The following MERTK variants were observed in gnomAD, a reference collection of about 807,000 sequenced individuals.
MERTK encodes the protein tyrosine-protein kinase Mer.
A neutral mutation model predicts 99.3 loss-of-function variants in MERTK; 69 were observed. The ratio of observed to expected loss-of-function variants is 0.70; its 90% CI spans 0.57 to 0.85. MERTK has a LOEUF of 0.85. MERTK is among the 40% of genes least tolerant of loss of function. The pLI is 0.00. For missense variants in MERTK, 1,125 were observed against 1,249.4 expected (o/e 0.90, Z 1.50); for synonymous variants, 426 against 467.6 (o/e 0.91, Z 1.15).
At chr2:111,955,035 C>A (rs1037878835) in intron 4 of MERTK, among the ~76,000 whole-genome samples, 1 of 151,886 alleles carries the variant, frequency 6.6e-6, no homozygotes, top group Admixed American at 6.6e-5. Flanking sequence ...AGAGTAGCTG[C>A]CCCTGACATG....
At chr2:111,995,858 G>T (rs542434236) in intron 9 of MERTK, among the ~76,000 whole-genome samples, 1 of 152,224 alleles carries the variant, frequency 6.6e-6, no homozygotes, top group Non-Finnish European at 1.5e-5. Flanking sequence ...TACTTGGGAG[G>T]ATAGCTTGAG....
intron 6 of MERTK, among the ~76,000 whole-genome samples, chr2:111,971,292 AT>A (rs1259587710): frequency 6.6e-6 from 1 of 150,812 alleles, no homozygotes; most frequent in Non-Finnish European, 1.5e-5. Context: ...ATTTTTTTCT[AT>A]TGTTTTTGTA....
intron 2 of MERTK, among the ~76,000 whole-genome samples, chr2:111,937,903 T>G (rs1684791777): frequency 6.6e-6 from 1 of 152,088 alleles, no homozygotes; most frequent in Non-Finnish European, 1.5e-5. Context: ...TCATTTTTAA[T>G]TTTTTTGACA....
At position 111,929,646 on chromosome 2, in the gene MERTK, G is replaced by A. The variant is rs1246826471; in HGVS notation, c.482+106G>A. 34 of 907,948 alleles carry A rather than the reference G, an allele frequency of 3.7e-5. 1 individual carries two copies. The highest frequency in any genetic ancestry group is 5.0e-5 in the Non-Finnish European group (33 of 656,144). 56.2% of individuals were successfully genotyped at this position (907,948 alleles called of 1,614,324 possible). On this transcript the variant is annotated intron_variant, in intron 2 of 18. Coordinates refer to ENST00000295408, the MANE Select transcript of MERTK (RefSeq NM_006343.3). Reference sequence around the variant, plus strand: ...CTGTAGCCCAGGCTGGAGTGCAGTGGCACGATCTCAGCTCATTGCAACCTC... The same window carrying A: ...CTGTAGCCCAGGCTGGAGTGCAGTGACACGATCTCAGCTCATTGCAACCTC...
At chr2:112,028,327 A>G (rs759992738) in intron 18 of MERTK, 24 bp from the exon 19 acceptor site, 1 of 1,612,642 alleles carries the variant, frequency 6.2e-7, no homozygotes, top group Non-Finnish European at 8.5e-7. Flanking sequence ...GCTGGGAGAC[A>G]ATCCACTTCT....
chr2:111,928,328 C>T (rs1192261343), intron 1 of MERTK, among the ~76,000 whole-genome samples: 8 of 146,294 alleles, frequency 5.5e-5, no homozygotes, highest in African/African-American at 2.0e-4. Flanking sequence ...TGGGCTCAAG[C>T]GATCCTCCTT....
At chr2:111,946,036 T>C (rs1478882359) in intron 3 of MERTK, among the ~76,000 whole-genome samples, 1 of 152,136 alleles carries the variant, frequency 6.6e-6, no homozygotes, top group East Asian at 1.9e-4. Flanking sequence ...GAACCTGAAA[T>C]TGATGCCCAC....
chr2:111,988,277 T>C (rs1300173395), intron 8 of MERTK, among the ~76,000 whole-genome samples: 1 of 152,142 alleles, frequency 6.6e-6, no homozygotes, highest in Non-Finnish European at 1.5e-5. Context: ...GGTGTTGTCT[T>C]AAAGTATGAG....
chr2:111,916,061 G>A (rs1684344030), intron 1 of MERTK, among the ~76,000 whole-genome samples: 1 of 152,094 alleles, frequency 6.6e-6, no homozygotes. Context: ...ATCTTCGAAA[G>A]AATGTGTATT....
chr2:111,913,530 T>C (rs1281437575), intron 1 of MERTK, among the ~76,000 whole-genome samples: 1 of 152,206 alleles, frequency 6.6e-6, no homozygotes, highest in Non-Finnish European at 1.5e-5. Context: ...ATAGATTCCT[T>C]GGAATTTTCT....
chr2:111,964,039 C>CTTTTTTTTTTTTTTTT (rs1553451938), intron 4 of MERTK, among the ~76,000 whole-genome samples: 3 of 40,476 alleles, frequency 7.4e-5, no homozygotes, highest in African/African-American at 1.8e-4. Context: ...CAAAAATTTT[C>CTTTTTTTTTTTTTTTT]TTTCTTTTTT....
chr2:112,019,971 G>A (rs1677302182), intron 16 of MERTK, among the ~76,000 whole-genome samples: 1 of 152,180 alleles, frequency 6.6e-6, no homozygotes, highest in Admixed American at 6.5e-5. Context: ...GCAGACAATG[G>A]CTTCATTATA....
At chr2:111,913,370 C>A (rs1043883227) in intron 1 of MERTK, among the ~76,000 whole-genome samples, 5 of 152,198 alleles carry the variant, frequency 3.3e-5, no homozygotes, top group African/African-American at 1.2e-4. Flanking sequence ...TAGATTTATA[C>A]CTAAGTATTT....
At chr2:112,014,542 CA>C (rs34015537) in intron 15 of MERTK, among the ~76,000 whole-genome samples, 83,607 of 151,866 alleles carry the variant, frequency 0.55, 23,678 homozygotes, top group Middle Eastern at 0.68. Context: ...CATTTTGTAG[CA>C]AAAAAGATTA....
intron 13 of MERTK, among the ~76,000 whole-genome samples, chr2:112,006,376 C>G (rs1676980641): frequency 6.6e-6 from 1 of 152,130 alleles, no homozygotes; most frequent in South Asian, 2.1e-4. Flanking sequence ...AAAGGAGGTT[C>G]AGGAACTAGC....
intron 7 of MERTK, among the ~76,000 whole-genome samples, chr2:111,980,018 G>A (rs995490633): frequency 6.6e-6 from 1 of 152,164 alleles, no homozygotes; most frequent in Non-Finnish European, 1.5e-5. Flanking sequence ...GGCAGAGCTT[G>A]TAGGCTTCAC....
intron 1 of MERTK, among the ~76,000 whole-genome samples, chr2:111,919,269 G>C (rs1684410536): frequency 6.6e-6 from 1 of 151,974 alleles, no homozygotes; most frequent in Non-Finnish European, 1.5e-5. Context: ...CAGCCCCCTG[G>C]CCCACCTTAG....
chr2:111,902,702 A>G (rs1402303021), intron 1 of MERTK, among the ~76,000 whole-genome samples: 1 of 151,984 alleles, frequency 6.6e-6, no homozygotes, highest in Non-Finnish European at 1.5e-5. Flanking sequence ...CCAAAGTATC[A>G]TATGCATACA....
In MERTK at chr2:111,929,258, C is replaced by T. The variant is rs777970779; in HGVS notation, c.200C>T (p.Pro67Leu). The change falls in exon 2 of 19, where the codon CCA (proline) becomes CTA (leucine). Residue 67 changes from proline (P) to leucine (L), a missense_variant. Coordinates refer to ENST00000295408, the MANE Select transcript of MERTK (RefSeq NM_006343.3). ...SGYQPALMFS[P>L]TQPGRPHTGN... ...TACCAGCCTGCCTTGATGTTTTCAC[C>T]AACCCAGCCTGGAAGACCACATACA... 11 of 1,614,072 alleles carry T rather than the reference C, an allele frequency of 6.8e-6. No individual in the cohort carries two copies. The South Asian group carries it at 1.2e-4, about 18-fold the overall frequency.
Sources: allele counts gnomAD v4.1 joint callset (sites outside exome capture counted in the v4.1 genomes callset), GRCh38; gene constraint gnomAD v4.1.1; transcripts MANE v1.5; gene names NCBI Gene and HGNC (gene_info 2026-07-23, HGNC 2026-07-21).